Variants in CFAP54 observed in about 807,000 individuals in gnomAD.
The protein encoded by CFAP54 is cilia and flagella associated protein 54, also known as cilia- and flagella-associated protein 54.
Under a neutral mutation model 370.4 loss-of-function variants are expected in CFAP54, and 290 were observed. The ratio of observed to expected loss-of-function variants is 0.78; its 90% CI spans 0.71 to 0.86. CFAP54 has a LOEUF of 0.86. Ranked by LOEUF, CFAP54 falls within the 40% of genes least tolerant of loss-of-function variation. The pLI, the probability that CFAP54 is intolerant of heterozygous loss-of-function variation, is 0.00. For synonymous variants in CFAP54, 1,206 were observed against 1,236.5 expected, an observed-to-expected ratio of 0.98 and a Z score of 0.52; for missense variants, 3,399 against 3,528.7, an observed-to-expected ratio of 0.96 and a Z score of 0.93.
At chr12:96,839,240 G>A (rs1959196873) in intron 66 of CFAP54, among the ~76,000 whole-genome samples, 2 of 152,138 alleles carry the variant, frequency 1.3e-5, no homozygotes, top group South Asian at 4.1e-4. Context: ...AATGAAAATA[G>A]TACTTACTTT....
At chr12:96,789,825 T>G (rs1958668983) in intron 62 of CFAP54, among the ~76,000 whole-genome samples, 1 of 152,170 alleles carries the variant, frequency 6.6e-6, no homozygotes, top group Admixed American at 6.5e-5. Context: ...GCCTGACAGG[T>G]GAAGCCACCT....
intron 5 of CFAP54, among the ~76,000 whole-genome samples, chr12:96,514,435 G>A (rs1197532611): frequency 2.0e-5 from 3 of 152,196 alleles, no homozygotes; most frequent in Non-Finnish European, 4.4e-5. Context: ...ATTAAATTGA[G>A]GGGGGACTCT....
intron 33 of CFAP54, 59 bp downstream of exon 33, chr12:96,644,467 G>A (rs932822202): frequency 3.8e-5 from 46 of 1,213,844 alleles, no homozygotes; most frequent in Non-Finnish European, 4.8e-5. Flanking sequence ...GATTGTATTT[G>A]TATGTTCAGA....
chr12:96,708,523 A>C, intron 47 of CFAP54, 85 bp from the exon 48 acceptor site: 2 of 1,234,022 alleles, frequency 1.6e-6, no homozygotes, highest in South Asian at 1.5e-5. Flanking sequence ...TCCAACACCA[A>C]ATGTGAACTG....
intron 66 of CFAP54, among the ~76,000 whole-genome samples, chr12:96,837,167 C>A (rs1959188824): frequency 1.3e-5 from 2 of 152,206 alleles, no homozygotes; most frequent in Non-Finnish European, 2.9e-5. Context: ...TTGATAACCA[C>A]ATGCTGGTTA....
chr12:96,572,989 C>G (rs1285483756), intron 19 of CFAP54: 1 of 985,184 alleles, frequency 1.0e-6, no homozygotes, highest in African/African-American at 1.7e-5. Context: ...CAGGAACTAC[C>G]AAGGCAAATT....
intron 62 of CFAP54, 59 bp from the exon 63 acceptor site, chr12:96,792,270 T>A: frequency 7.5e-6 from 10 of 1,335,798 alleles, no homozygotes; most frequent in Non-Finnish European, 8.9e-6. Context: ...ATAATTTGTT[T>A]CATATATGTA....
intron 1 of CFAP54, among the ~76,000 whole-genome samples, chr12:96,490,868 C>T (rs1565872332): frequency 6.6e-6 from 1 of 152,008 alleles, no homozygotes; most frequent in South Asian, 2.1e-4. Context: ...TGGGTATAAA[C>T]AACCACTAAA....
chr12:96,785,235 A>G (rs566811191), intron 61 of CFAP54, among the ~76,000 whole-genome samples: 1 of 152,288 alleles, frequency 6.6e-6, no homozygotes, highest in South Asian at 2.1e-4. Flanking sequence ...TTGGCTTTAG[A>G]GAAAGAGTGG....
intron 26 of CFAP54, among the ~76,000 whole-genome samples, chr12:96,613,662 C>T: frequency 6.6e-6 from 1 of 151,942 alleles, no homozygotes; most frequent in Non-Finnish European, 1.5e-5. Flanking sequence ...AGCAAATAGA[C>T]ACAATAAAAA....
Position 96,743,862 on chromosome 12 carries a change from A to G in CFAP54, c.7509A>G (p.Thr2503=). 1.9e-6 allele frequency: 3 copies of G among 1,613,796 alleles called. No individual in the cohort carries two copies. The highest frequency in any genetic ancestry group is 2.5e-6 in the Non-Finnish European group (3 of 1,179,882). ...EKFKESPSSK[T]GKLNLLTRAH... ...TCAAGGAATCTCCCTCTTCAAAAAC[A>G]GGAAAATTAAATTTGTTAACTCGGG... Residue 2503 remains threonine, a synonymous_variant, in exon 54 of 68, where the codon ACA becomes ACG. Transcript: ENST00000524981.
At position 96,860,100 on chromosome 12, in the gene CFAP54, A is replaced by C. The variant is rs553389681; in HGVS notation, c.9172-719A>C. ...AAATGAATGACTGGCTTATTTAACA[A>C]GTAGACAAGAAATTAATAAAAACTT... On this transcript the variant is annotated intron_variant, in intron 66 of 67. Transcript: ENST00000524981. Among the ~76,000 whole-genome samples the C allele has an allele frequency of 1.1e-4, 17 of 151,840 alleles. No homozygotes were observed. In the East Asian group the frequency reaches 3.1e-3, roughly 28 times the overall value.
intron 5 of CFAP54, among the ~76,000 whole-genome samples, chr12:96,513,262 A>G (rs1231557757): frequency 6.6e-6 from 1 of 152,202 alleles, no homozygotes; most frequent in African/African-American, 2.4e-5. Context: ...AAAGAAAGGA[A>G]ATTCCTGAAA....
At chr12:96,719,026 G>A (rs1025916846) in intron 49 of CFAP54, among the ~76,000 whole-genome samples, 29 of 150,292 alleles carry the variant, frequency 1.9e-4, no homozygotes, top group Non-Finnish European at 2.7e-4. Flanking sequence ...CAAAAAGAGC[G>A]AAACTCCATT....
At chr12:96,664,747 A>C (rs373918371) in intron 39 of CFAP54, among the ~76,000 whole-genome samples, 40,652 of 81,300 alleles carry the variant, frequency 0.5, 8,826 homozygotes, top group Middle Eastern at 0.54. Flanking sequence ...ATCTATATAT[A>C]TATATATCTA....
intron 38 of CFAP54, among the ~76,000 whole-genome samples, chr12:96,659,607 C>T (rs1288987357): frequency 6.6e-6 from 1 of 152,180 alleles, no homozygotes; most frequent in South Asian, 2.1e-4. Flanking sequence ...GAAATAGACT[C>T]ATGAAGGCAA....
intron 4 of CFAP54, among the ~76,000 whole-genome samples, chr12:96,509,108 C>T (rs569906549): frequency 6.6e-6 from 1 of 152,342 alleles, no homozygotes; most frequent in East Asian, 1.9e-4. Context: ...ACCACATTCT[C>T]ATGCTGACTT....
intron 50 of CFAP54, among the ~76,000 whole-genome samples, chr12:96,728,850 T>C (rs892526619): frequency 6.6e-6 from 1 of 152,154 alleles, no homozygotes; most frequent in African/African-American, 2.4e-5. Context: ...TACAGATGGG[T>C]TTTTGGTGTG....
intron 60 of CFAP54, among the ~76,000 whole-genome samples, chr12:96,772,892 G>A (rs914927666): frequency 1.3e-5 from 2 of 152,152 alleles, no homozygotes; most frequent in African/African-American, 4.8e-5. Flanking sequence ...TTACAGGCGT[G>A]AGCCACCATG....
Sources: allele counts gnomAD v4.1 joint callset (sites outside exome capture counted in the v4.1 genomes callset), GRCh38; gene constraint gnomAD v4.1.1; transcripts MANE v1.5; gene names NCBI Gene and HGNC (gene_info 2026-07-23, HGNC 2026-07-21).